KDM2A: variants seen among roughly 807,000 people sequenced by gnomAD.
KDM2A encodes lysine-specific demethylase 2A.
KDM2A carries 3 observed loss-of-function variants against 137.3 expected under a neutral mutation model. The observed-to-expected ratio is 0.02, with a 90% CI of 0.01 to 0.06. The LOEUF is 0.06. Among genes scored for constraint, KDM2A ranks in the 10% least tolerant of loss-of-function variants. The probability of loss-of-function intolerance (pLI) is 1.00; values close to 1 mark genes in which losing one functional copy is unlikely to be tolerated. For missense variants in KDM2A, 738 were observed against 1,510.6 expected (o/e 0.49, Z 8.48); for synonymous variants, 512 against 541.5 (o/e 0.95, Z 0.76).
At chr11:67,202,503 T>C (rs969794916) in intron 5 of KDM2A, among the ~76,000 whole-genome samples, 3 of 152,176 alleles carry the variant, frequency 2.0e-5, no homozygotes, top group African/African-American at 7.2e-5. Context: ...CTGGGCATGG[T>C]GGCTCACGTC....
At chr11:67,175,341 A>G (rs1856953656) in intron 2 of KDM2A, among the ~76,000 whole-genome samples, 1 of 152,160 alleles carries the variant, frequency 6.6e-6, no homozygotes, top group Non-Finnish European at 1.5e-5. Context: ...AGGTTGGAGG[A>G]TCACTTGAGC....
chr11:67,250,666 A>C lies in KDM2A; in HGVS notation c.2636A>C (p.Asn879Thr). 1 of 1,606,866 alleles carries C rather than the reference A, an allele frequency of 6.2e-7. No individual in the cohort carries two copies. ...GAGGAGGGGGGTGCAGCCAGGCTGA[A>C]TGGCCGGGGCAGTTGGGCTCAGGAT... Reference protein sequence around the residue: ...SAEEGGAARLNGRGSWAQDGD... With the variant: ...SAEEGGAARLTGRGSWAQDGD... Residue 879 changes from asparagine to threonine, a missense_variant, in exon 17 of 21, where the codon AAT becomes ACT. Physicochemically the swap from Asn to Thr is moderately conservative, Grantham distance 65 (BLOSUM62 0). Transcript: ENST00000529006. The surrounding 1 kb of genome is among the most constrained non-coding windows in gnomAD (Gnocchi z 7.1).
In KDM2A at chr11:67,253,891, G is replaced by A. The variant is rs187217702; in HGVS notation, c.3091+280G>A. ...TCTGAGAAGGCTTTATGGTGGAGGTGGAGTCAAAAGCTATTTGCATGATGG... is the reference window on the plus strand; with the variant it reads ...TCTGAGAAGGCTTTATGGTGGAGGTAGAGTCAAAAGCTATTTGCATGATGG... On this transcript the variant is annotated intron_variant, in intron 19 of 20. Transcript: ENST00000529006. Among the ~76,000 whole-genome samples, 4 of 152,308 alleles carry A rather than the reference G, an allele frequency of 2.6e-5. No individual in the cohort carries two copies. In the East Asian group the frequency reaches 5.8e-4, roughly 22 times the overall value.
At chr11:67,246,189 T>G in intron 15 of KDM2A, 73 bp downstream of exon 15, 1 of 1,531,574 alleles carries the variant, frequency 6.5e-7, no homozygotes. Context: ...GGGACACTTG[T>G]GATGGGAGTG....
chr11:67,198,892 C>G (rs1176925566), intron 5 of KDM2A, among the ~76,000 whole-genome samples: 3 of 151,958 alleles, frequency 2.0e-5, no homozygotes, highest in Admixed American at 6.6e-5. Flanking sequence ...AATTCTCATG[C>G]CTCTGCCTCC....
chr11:67,247,244 T>G (rs905321501), intron 15 of KDM2A, among the ~76,000 whole-genome samples: 4 of 148,582 alleles, frequency 2.7e-5, no homozygotes, highest in African/African-American at 9.9e-5. Context: ...CACGTGCCAC[T>G]GCGCCCAGCT....
chr11:67,207,042 T>C (rs1857825757), intron 5 of KDM2A, among the ~76,000 whole-genome samples: 1 of 152,218 alleles, frequency 6.6e-6, no homozygotes, highest in African/African-American at 2.4e-5. Flanking sequence ...AAAATCAGTC[T>C]GTTACCCACT....
chr11:67,236,574 A>C (rs1235844596), intron 12 of KDM2A, among the ~76,000 whole-genome samples: 1 of 152,230 alleles, frequency 6.6e-6, no homozygotes, highest in Non-Finnish European at 1.5e-5. Context: ...AAGCAAATTC[A>C]ATATTGTTGA....
At chr11:67,195,323 C>T (rs746626323) in intron 5 of KDM2A, among the ~76,000 whole-genome samples, 5 of 139,696 alleles carry the variant, frequency 3.6e-5, no homozygotes, top group Non-Finnish European at 6.0e-5. Context: ...GAGCCGAGAT[C>T]GCACCACTGC....
At chr11:67,152,896 C>T (rs1275017201) in intron 2 of KDM2A, among the ~76,000 whole-genome samples, 1 of 143,478 alleles carries the variant, frequency 7.0e-6, no homozygotes, top group Non-Finnish European at 1.5e-5. Context: ...TATAGGATTA[C>T]AGTGCCAGAG....
chr11:67,186,587 T>C (rs1477823290), intron 5 of KDM2A, among the ~76,000 whole-genome samples: 2 of 152,194 alleles, frequency 1.3e-5, no homozygotes, highest in African/African-American at 4.8e-5. Flanking sequence ...TAAAGGTAAA[T>C]ACATGGGTAA....
intron 11 of KDM2A, among the ~76,000 whole-genome samples, chr11:67,229,094 A>G (rs1328486934): frequency 6.6e-6 from 1 of 152,226 alleles, no homozygotes; most frequent in Non-Finnish European, 1.5e-5. Context: ...CATCATCAGA[A>G]TAACCTGTTG....
intron 2 of KDM2A, among the ~76,000 whole-genome samples, chr11:67,168,568 T>A (rs1856800478): frequency 1.4e-4 from 2 of 14,714 alleles, no homozygotes; most frequent in African/African-American, 2.3e-4. Context: ...ACACACACAG[T>A]CTTGTATGAA....
chr11:67,153,830 A>C (rs927913464), intron 2 of KDM2A, among the ~76,000 whole-genome samples: 16 of 151,736 alleles, frequency 1.1e-4, no homozygotes, highest in African/African-American at 2.7e-4. Context: ...AAAAAAAAAA[A>C]CACCAAAAAC....
intron 2 of KDM2A, among the ~76,000 whole-genome samples, chr11:67,179,314 C>G (rs911516456): frequency 1.3e-5 from 2 of 152,022 alleles, no homozygotes; most frequent in African/African-American, 4.8e-5. Flanking sequence ...GCTCTTGTTG[C>G]CCAGGCTGGA....
At chr11:67,175,019 A>G (rs1856948593) in intron 2 of KDM2A, among the ~76,000 whole-genome samples, 1 of 152,206 alleles carries the variant, frequency 6.6e-6, no homozygotes, top group Non-Finnish European at 1.5e-5. Flanking sequence ...GCATGCTAGT[A>G]AGCCAATTTG....
In KDM2A at chr11:67,229,546, A is replaced by G. The variant is rs139543449; in HGVS notation, c.1084+1383A>G. Among the ~76,000 whole-genome samples the G allele has an allele frequency of 6.7e-3, 1,022 of 152,262 alleles. 22 individuals are homozygous for G. The highest frequency in any genetic ancestry group is 0.023 in the African/African-American group (971 of 41,530). ...CTTTAGCATTTTACTTTTACTGCATAATTTTACTCATAGTTTATATTCTCA... is the reference window on the plus strand; with the variant it reads ...CTTTAGCATTTTACTTTTACTGCATGATTTTACTCATAGTTTATATTCTCA... On this transcript the variant is annotated intron_variant, in intron 11 of 20. Transcript: ENST00000529006.
chr11:67,203,573 G>A (rs919761791), intron 5 of KDM2A, among the ~76,000 whole-genome samples: 13 of 149,558 alleles, frequency 8.7e-5, no homozygotes, highest in African/African-American at 3.2e-4. Flanking sequence ...GGGCAACATA[G>A]TGAAACCTTG....
At position 67,130,424 on chromosome 11, in the gene KDM2A, C is replaced by A. The variant is rs536020991; in HGVS notation, c.42+9066C>A. Among the ~76,000 whole-genome samples, 6 of 152,264 alleles carry A rather than the reference C, an allele frequency of 3.9e-5. No individual in the cohort carries two copies. In the South Asian group the frequency reaches 1.2e-3, roughly 32 times the overall value. On this transcript the variant is annotated intron_variant, in intron 2 of 20. Transcript: ENST00000529006. ...CCTCCCAAAGTGTTGGGATTACAGGCGTGAGCCACCATGCCCGGCCTTAAG... is the reference window on the plus strand; with the variant it reads ...CCTCCCAAAGTGTTGGGATTACAGGAGTGAGCCACCATGCCCGGCCTTAAG...
Sources: allele counts gnomAD v4.1 joint callset (sites outside exome capture counted in the v4.1 genomes callset), GRCh38; gene constraint gnomAD v4.1.1; non-coding constraint Gnocchi (gnomAD v3.1); transcripts MANE v1.5; gene names NCBI Gene and HGNC (gene_info 2026-07-23, HGNC 2026-07-21).